CDC42BPB: variants seen among roughly 807,000 people sequenced by gnomAD.
CDC42BPB encodes CDC42 binding protein kinase beta, also known as serine/threonine-protein kinase MRCK beta.
CDC42BPB carries 37 observed loss-of-function variants against 214.9 expected under a neutral mutation model. That is an observed-to-expected ratio of 0.17 (90% confidence interval 0.13 to 0.23). The LOEUF (loss-of-function observed/expected upper bound fraction) is 0.23. CDC42BPB is among the 10% of genes least tolerant of loss of function. The pLI is 1.00. For missense variants in CDC42BPB, 1,694 were observed against 2,227.0 expected (o/e 0.76, Z 4.82); for synonymous variants, 931 against 884.0 (o/e 1.05, Z -0.94).
chr14:103,051,794 A>AAG (rs1888622752), intron 1 of CDC42BPB, among the ~76,000 whole-genome samples: 1 of 152,212 alleles, frequency 6.6e-6, no homozygotes, highest in Non-Finnish European at 1.5e-5. Flanking sequence ...GTCTAGATTT[A>AAG]AGAGAGACAC....
At chr14:102,936,319 A>G (rs180717044) in intron 36 of CDC42BPB, among the ~76,000 whole-genome samples, 3 of 152,354 alleles carry the variant, frequency 2.0e-5, no homozygotes, top group Admixed American at 1.3e-4. Context: ...AGCACCACTC[A>G]CAACAGCTGA....
Position 102,944,165 on chromosome 14 carries a change from G to A in CDC42BPB, c.4134C>T (p.Cys1378=), listed in dbSNP as rs190067249. ...NEIVAPGSVQ[C]LAVLRDRLCV... ...AGAGCCTGTCCCTGAGCACCGCCAG[G>A]CACTGCACGCTGCCGGGAGCCACAA... The change falls in exon 30 of 37, where the codon TGC becomes TGT. Residue 1378 remains cysteine (C), a synonymous_variant. Coordinates refer to ENST00000361246, the MANE Select transcript of CDC42BPB (RefSeq NM_006035.4). This position sits in a 1 kb window ranked among gnomAD's most constrained non-coding sequence, Gnocchi z 6.6. 127 of 1,613,270 alleles carry A rather than the reference G, an allele frequency of 7.9e-5. No homozygotes were observed. In the Admixed American group the frequency reaches 2.1e-3, roughly 26 times the overall value.
intron 1 of CDC42BPB, among the ~76,000 whole-genome samples, chr14:103,042,838 T>A (rs1038077792): frequency 6.6e-6 from 1 of 152,162 alleles, no homozygotes; most frequent in Non-Finnish European, 1.5e-5. Context: ...CTGGTGGGAA[T>A]GTAGACCACT....
In CDC42BPB at chr14:102,974,046, C is replaced by G. The variant is rs375948288; in HGVS notation, c.1611G>C (p.Val537=). 1.2e-6 allele frequency: 2 copies of G among 1,611,976 alleles called. No homozygotes were observed. Among genetic ancestry groups the G allele is most frequent in the African/African-American group, 2.7e-5 (2 of 74,802 alleles). The change falls in exon 12 of 37, where the codon GTG becomes GTC. Residue 537 remains valine (V), a synonymous_variant. Coordinates refer to ENST00000361246, the MANE Select transcript of CDC42BPB (RefSeq NM_006035.4). ...GCAGCTCCTCCTTCTCCTGCCGGAC[C>G]ACGCGGTGCTGCTTCTCCAGCCCCC... ...RLRGLEKQHR[V]VRQEKEELHK...
At chr14:102,989,041 A>G (rs1469871013) in intron 5 of CDC42BPB, among the ~76,000 whole-genome samples, 1 of 152,228 alleles carries the variant, frequency 6.6e-6, no homozygotes, top group African/African-American at 2.4e-5. Context: ...TGTAATATAT[A>G]TTACAGATAA....
At chr14:102,957,566 G>C (rs558763942) in intron 21 of CDC42BPB, among the ~76,000 whole-genome samples, 3 of 152,192 alleles carry the variant, frequency 2.0e-5, no homozygotes, top group Non-Finnish European at 4.4e-5. Flanking sequence ...GGCACTTACC[G>C]GTTAAATAGA....
At chr14:103,054,185 A>C (rs1156654312) in intron 1 of CDC42BPB, among the ~76,000 whole-genome samples, 1 of 152,142 alleles carries the variant, frequency 6.6e-6, no homozygotes, top group Non-Finnish European at 1.5e-5. Flanking sequence ...TTAAAACTTA[A>C]AAAGTTTACT....
At chr14:102,950,355 C>T in intron 25 of CDC42BPB, 111 bp downstream of exon 25, 1 of 1,408,600 alleles carries the variant, frequency 7.1e-7, no homozygotes, top group Non-Finnish European at 9.8e-7. Context: ...AGGACTGGCA[C>T]CAGGGCCACC....
At chr14:103,054,374 G>A (rs1454547385) in intron 1 of CDC42BPB, among the ~76,000 whole-genome samples, 6 of 152,198 alleles carry the variant, frequency 3.9e-5, no homozygotes, top group Non-Finnish European at 7.3e-5. Flanking sequence ...ACATATCAGA[G>A]GTTTCAAATG....
Position 102,988,239 on chromosome 14 carries a change from A to G in CDC42BPB, c.597-1659T>C, listed in dbSNP as rs535961202. Among the ~76,000 whole-genome samples the G allele has an allele frequency of 4.6e-5, 7 of 152,284 alleles. No homozygotes were observed. The Middle Eastern group carries it at 0.014, about 296-fold the overall frequency. ...GTCAGATAGGAAGCAGCCAGAGGCT[A>G]AAGTGGGAGACAGGCAAAGAAGGCC... On this transcript the variant is annotated intron_variant, in intron 5 of 36. Coordinates refer to ENST00000361246, the MANE Select transcript of CDC42BPB (RefSeq NM_006035.4).
At chr14:103,024,298 T>G (rs1236045497) in intron 1 of CDC42BPB, among the ~76,000 whole-genome samples, 1 of 152,176 alleles carries the variant, frequency 6.6e-6, no homozygotes. Context: ...CCGTCCTAAC[T>G]TACTCTTCCT....
intron 5 of CDC42BPB, among the ~76,000 whole-genome samples, chr14:102,992,071 T>A (rs1894517949): frequency 6.6e-6 from 1 of 152,146 alleles, no homozygotes; most frequent in Non-Finnish European, 1.5e-5. Context: ...TCTAGAACAT[T>A]CTGTCACTGT....
At chr14:102,947,927 T>G in intron 26 of CDC42BPB, 125 bp from the exon 27 acceptor site, 1 of 1,526,428 alleles carries the variant, frequency 6.6e-7, no homozygotes, top group Non-Finnish European at 8.8e-7. Context: ...GGAGGGCGGG[T>G]CCCTCGCCTC....
At chr14:103,038,252 G>A (rs995890084) in intron 1 of CDC42BPB, among the ~76,000 whole-genome samples, 7 of 150,432 alleles carry the variant, frequency 4.7e-5, no homozygotes, top group Non-Finnish European at 7.4e-5. Context: ...GGAGAATAGC[G>A]TGAACCTGGG....
At chr14:102,989,847 G>C (rs1378703913) in intron 5 of CDC42BPB, among the ~76,000 whole-genome samples, 1 of 144,656 alleles carries the variant, frequency 6.9e-6, no homozygotes, top group African/African-American at 2.6e-5. Context: ...CAACAAAAGC[G>C]AAACTCTGTT....
intron 1 of CDC42BPB, among the ~76,000 whole-genome samples, chr14:103,054,039 A>C: frequency 6.6e-6 from 1 of 151,988 alleles, no homozygotes; most frequent in Middle Eastern, 3.4e-3. Context: ...TTATTTTGAC[A>C]TTTATTATAG....
rs760759588 is a variant in CDC42BPB, at chr14:102,954,673, C to T, written c.2917G>A (p.Glu973Lys). ...GGCTTCGGAGCTTGTGTTTCTTGCT[C>T]ACTAGCTGAGCTGGTCTGTGAGAAC... is the stretch of plus-strand genomic sequence containing the variant. ...DLTFRTSSAS[E>K]QETQAPKPEA... Residue 973 changes from glutamate (E) to lysine (K), a missense_variant, in exon 22 of 37, where the codon GAG becomes AAG. By Grantham distance (56) the Glu-to-Lys change is moderately conservative. Around this residue, in one of 7 missense-constraint regions of CDC42BPB, gnomAD observed 156 missense variants for 154.5 expected, o/e 1.01. Coordinates refer to ENST00000361246, the MANE Select transcript of CDC42BPB (RefSeq NM_006035.4). The T allele has an allele frequency of 6.2e-7, 1 of 1,613,800 alleles. No homozygotes were observed. The highest frequency in any genetic ancestry group is 2.2e-5 in the East Asian group (1 of 44,874).
intron 1 of CDC42BPB, among the ~76,000 whole-genome samples, chr14:103,042,962 C>T (rs770291616): frequency 6.6e-6 from 1 of 152,136 alleles, no homozygotes; most frequent in Non-Finnish European, 1.5e-5. Flanking sequence ...CCCACAAAAA[C>T]TTGTACATTA....
At chr14:102,972,411 G>A (rs752804164) in intron 12 of CDC42BPB, 63 of 832,590 alleles carry the variant, frequency 7.6e-5, no homozygotes, top group Non-Finnish European at 8.8e-5. Flanking sequence ...CACAGGCCGG[G>A]CACAGTGGCT....
Sources: gnomAD v4.1 joint callset for allele counts (sites outside exome capture counted in the v4.1 genomes callset) on GRCh38, gnomAD v4.1.1 for gene constraint, gnomAD v4.1.1 regional missense constraint, Gnocchi (gnomAD v3.1) non-coding constraint, MANE v1.5 for transcripts, NCBI Gene and HGNC (gene_info 2026-07-23, HGNC 2026-07-21) for gene names.